IRF2: variants seen among roughly 807,000 people sequenced by gnomAD.
The protein encoded by IRF2 is interferon regulatory factor 2.
In IRF2, 15 loss-of-function variants were observed where a neutral mutation model predicts 40.6. That is an observed-to-expected ratio of 0.37 (90% CI 0.25 to 0.57). IRF2 has a LOEUF of 0.57. Ranked by LOEUF, IRF2 falls within the 20% of genes least tolerant of loss-of-function variation. The pLI is 0.77. For synonymous variants in IRF2, 151 were observed against 165.5 expected (o/e 0.91, Z 0.67); for missense variants, 317 against 455.7 (o/e 0.70, Z 2.77).
chr4:184,434,969 A>G (rs1738025133), intron 1 of IRF2, among the ~76,000 whole-genome samples: 1 of 152,166 alleles, frequency 6.6e-6, no homozygotes, highest in African/African-American at 2.4e-5. Context: ...CAATCACTTG[A>G]AGCCAGGAGT....
chr4:184,397,368 T>C (rs964621336), intron 7 of IRF2, among the ~76,000 whole-genome samples: 5 of 152,148 alleles, frequency 3.3e-5, no homozygotes, highest in African/African-American at 9.7e-5. Flanking sequence ...TAGTGTTTAA[T>C]GCAGACAGAG....
In IRF2 at chr4:184,426,668, C is replaced by T. The variant is rs183218571; in HGVS notation, c.87+2310G>A. On this transcript the variant is annotated intron_variant, in intron 2 of 8. Transcript: ENST00000393593. ...AGAAGGGACTAATGGTTAGTCTAAA[C>T]CAACCACAGCGGTCAACATATCAGG... is the stretch of plus-strand genomic sequence containing the variant. Among the ~76,000 whole-genome samples, 5 of 152,302 alleles carry T rather than the reference C, an allele frequency of 3.3e-5. No homozygotes were observed. In the East Asian group the frequency reaches 9.7e-4, roughly 29 times the overall value.
rs1253263239 is a variant in IRF2 at position 184,408,295 on chromosome 4, A to G, written c.412-20T>C. On this transcript the variant is annotated intron_variant, in intron 5 of 8. Transcript: ENST00000393593. The surrounding 1 kb of genome is among the most constrained non-coding windows in gnomAD (Gnocchi z 4.9). ...TTCTTGCTAGGAAGAAGAAAAGAAA[A>G]AAGAATTGAGAACACTTCCTTTCCC... 1 of 1,454,776 alleles carries G rather than the reference A, an allele frequency of 6.9e-7. No individual in the cohort carries two copies. Among genetic ancestry groups the G allele is most frequent in the Non-Finnish European group, 9.6e-7 (1 of 1,036,826 alleles). The allele number at this position is 1,454,776 out of a possible 1,614,324, so 90.1% of individuals were successfully genotyped here.
chr4:184,433,604 G>A (rs1737969805), intron 1 of IRF2, among the ~76,000 whole-genome samples: 2 of 152,266 alleles, frequency 1.3e-5, no homozygotes, highest in Admixed American at 6.5e-5. Context: ...TTTCATCAGA[G>A]TAAAAAATAA....
rs773284198 is a variant in IRF2 at position 184,390,791 on chromosome 4, C to G, written c.695-42G>C. On this transcript the variant is annotated intron_variant, in intron 7 of 8. Transcript: ENST00000393593. ...AAACACAGGGCCATCATTCCTGTCC[C>G]TCAAGCTGTCCCCAGGCTCAGGCAG... The G allele has an allele frequency of 4.4e-6, 7 of 1,606,254 alleles. No homozygotes were observed. In the African/African-American group the frequency reaches 5.3e-5, roughly 12 times the overall value.
chr4:184,430,104 T>C (rs565913722), intron 1 of IRF2, among the ~76,000 whole-genome samples: 28 of 152,334 alleles, frequency 1.8e-4, no homozygotes, highest in South Asian at 8.3e-4. Context: ...TCCTCCAAAA[T>C]TGAGCTCTGA....
At chr4:184,457,730 T>C (rs1234716105) in intron 1 of IRF2, among the ~76,000 whole-genome samples, 7 of 152,026 alleles carry the variant, frequency 4.6e-5, no homozygotes, top group Admixed American at 3.3e-4. Context: ...TGCACACGCC[T>C]CAGAGCTCCT....
intron 1 of IRF2, among the ~76,000 whole-genome samples, chr4:184,443,294 C>A (rs1033524203): frequency 3.9e-5 from 6 of 152,128 alleles, no homozygotes; most frequent in South Asian, 2.1e-4. Context: ...GGGGTTTGGG[C>A]TCCTAATGAT....
chr4:184,454,525 T>A (rs1267389335), intron 1 of IRF2, among the ~76,000 whole-genome samples: 1 of 152,214 alleles, frequency 6.6e-6, no homozygotes, highest in Non-Finnish European at 1.5e-5. Flanking sequence ...TGCAGAACTG[T>A]CTTCAAATAT....
intron 1 of IRF2, among the ~76,000 whole-genome samples, chr4:184,440,369 C>T (rs542341257): frequency 1.8e-4 from 27 of 152,326 alleles, no homozygotes; most frequent in Non-Finnish European, 3.1e-4. Context: ...ATACTTACTG[C>T]GTGTCTGCTG....
intron 1 of IRF2, among the ~76,000 whole-genome samples, chr4:184,449,361 A>T (rs1372926410): frequency 1.3e-5 from 2 of 152,244 alleles, no homozygotes; most frequent in Non-Finnish European, 2.9e-5. Flanking sequence ...AAGTCACTTG[A>T]CAGCAAACCT....
intron 1 of IRF2, among the ~76,000 whole-genome samples, chr4:184,447,933 G>A (rs1561120366): frequency 6.6e-6 from 1 of 152,220 alleles, no homozygotes; most frequent in South Asian, 2.1e-4. Context: ...AGGGTCTGCG[G>A]GTGGGAGGCG....
intron 3 of IRF2, among the ~76,000 whole-genome samples, chr4:184,419,055 G>C (rs1737384171): frequency 6.6e-6 from 1 of 152,218 alleles, no homozygotes; most frequent in South Asian, 2.1e-4. Flanking sequence ...GAGGGAAGCT[G>C]AGTGCCTCTT....
At chr4:184,468,767 C>T (rs981120919) in intron 1 of IRF2, among the ~76,000 whole-genome samples, 14 of 152,060 alleles carry the variant, frequency 9.2e-5, no homozygotes, top group African/African-American at 2.9e-4. Context: ...ATAAGAGGCT[C>T]GCTATCAAGG....
chr4:184,390,280 C>G lies in IRF2; in HGVS notation c.741+423G>C, dbSNP rs142381273. ...CACAACCAGCTCTGGGCACGGGTCA[C>G]AGCGGGAGGGAACCCACGCACACGT... On this transcript the variant is annotated intron_variant, in intron 8 of 8. Coordinates refer to ENST00000393593, the MANE Select transcript of IRF2 (RefSeq NM_002199.4). Among the ~76,000 whole-genome samples the G allele has an allele frequency of 3.7e-3, 569 of 152,310 alleles. 5 individuals are homozygous for G. Among genetic ancestry groups the G allele is most frequent in the African/African-American group, 0.013 (542 of 41,568 alleles).
intron 1 of IRF2, among the ~76,000 whole-genome samples, chr4:184,445,578 C>T (rs1319044107): frequency 6.6e-6 from 1 of 150,952 alleles, no homozygotes; most frequent in Non-Finnish European, 1.5e-5. Flanking sequence ...TCGCTTGAAC[C>T]CTGGAGGCAG....
chr4:184,408,110 CA>C lies in IRF2; in HGVS notation c.529+47del. On this transcript the variant is annotated intron_variant, in intron 6 of 8. Coordinates refer to ENST00000393593, the MANE Select transcript of IRF2 (RefSeq NM_002199.4). The surrounding 1 kb of genome is among the most constrained non-coding windows in gnomAD (Gnocchi z 4.9). ...TCTCTGTTTTACAAATTTTAGGCCC[CA>C]GGGGGCTGCTGGTATGTATAAAAAA... 3 of 1,133,534 alleles carry C rather than the reference CA, an allele frequency of 2.6e-6. No individual in the cohort carries two copies. Among genetic ancestry groups the C allele is most frequent in the African/African-American group, 1.5e-5 (1 of 64,880 alleles). 70.2% of individuals were successfully genotyped at this position (1,133,534 alleles called of 1,614,324 possible).
chr4:184,434,696 T>C (rs887735903), intron 1 of IRF2, among the ~76,000 whole-genome samples: 10 of 152,238 alleles, frequency 6.6e-5, no homozygotes, highest in African/African-American at 2.4e-4. Context: ...AAGCCTGCTA[T>C]ATAAGGCATG....
intron 1 of IRF2, among the ~76,000 whole-genome samples, chr4:184,460,681 G>GCA (rs4069924): frequency 0.47 from 71,010 of 150,028 alleles, 17,519 homozygotes; most frequent in Middle Eastern, 0.58. Context: ...ACACACACAT[G>GCA]CACGCACACA....
Sources: gnomAD v4.1 joint callset for allele counts (sites outside exome capture counted in the v4.1 genomes callset) on GRCh38, gnomAD v4.1.1 for gene constraint, Gnocchi (gnomAD v3.1) non-coding constraint, MANE v1.5 for transcripts, NCBI Gene and HGNC (gene_info 2026-07-23, HGNC 2026-07-21) for gene names.